Variants in EIF4E observed in about 807,000 individuals in gnomAD.
The protein encoded by EIF4E is eIF-4F 25 kDa subunit.
For missense variants in EIF4E, 113 were observed against 265.6 expected (o/e 0.43, Z 3.99); for synonymous variants, 71 against 88.5 (o/e 0.80, Z 1.11).
chr4:98,907,626 T>G (rs1724928776), intron 1 of EIF4E, among the ~76,000 whole-genome samples: 1 of 152,204 alleles, frequency 6.6e-6, no homozygotes, highest in South Asian at 2.1e-4. Context: ...CCTGATGCAC[T>G]AGGAGCCATA....
At chr4:98,921,358 T>C (rs887493314) in intron 1 of EIF4E, among the ~76,000 whole-genome samples, 5 of 151,704 alleles carry the variant, frequency 3.3e-5, no homozygotes, top group Non-Finnish European at 7.3e-5. Context: ...TGTAGACATA[T>C]ATATCAAAAT....
chr4:98,901,738 G>T, intron 2 of EIF4E, 138 bp downstream of exon 2: 1 of 804,550 alleles, frequency 1.2e-6, no homozygotes, highest in South Asian at 1.4e-5. Context: ...CTGGTCATGG[G>T]TCATCCAAGT....
chr4:98,882,126 C>T (rs1475845613), intron 6 of EIF4E, among the ~76,000 whole-genome samples: 2 of 152,166 alleles, frequency 1.3e-5, no homozygotes, highest in African/African-American at 4.8e-5. Flanking sequence ...GGCGCGGTGG[C>T]TCACGCCTGT....
chr4:98,893,638 G>C (rs1273280707), intron 2 of EIF4E, among the ~76,000 whole-genome samples: 2 of 152,150 alleles, frequency 1.3e-5, no homozygotes, highest in African/African-American at 4.8e-5. Flanking sequence ...AACATCTTCA[G>C]GCTCCATTTC....
At chr4:98,892,702 A>G (rs910442674) in intron 2 of EIF4E, among the ~76,000 whole-genome samples, 17 of 148,024 alleles carry the variant, frequency 1.1e-4, no homozygotes, top group East Asian at 1.0e-3. Flanking sequence ...AAAAAAAAAG[A>G]AGGCGAGAAA....
At chr4:98,898,112 A>G (rs1011521284) in intron 2 of EIF4E, among the ~76,000 whole-genome samples, 3 of 151,540 alleles carry the variant, frequency 2.0e-5, no homozygotes, top group Non-Finnish European at 2.9e-5. Flanking sequence ...TGTCCTACGA[A>G]AAAGGGGGGG....
chr4:98,896,363 C>T (rs7676504), intron 2 of EIF4E, among the ~76,000 whole-genome samples: 19,099 of 150,706 alleles, frequency 0.13, 1,355 homozygotes, highest in East Asian at 0.19. Context: ...TAGAGCAAGA[C>T]CCTGTCAAGG....
At chr4:98,893,105 A>C (rs1203156000) in intron 2 of EIF4E, among the ~76,000 whole-genome samples, 2 of 152,244 alleles carry the variant, frequency 1.3e-5, no homozygotes, top group Non-Finnish European at 1.5e-5. Flanking sequence ...TTACGTTTAC[A>C]CTATACTGTA....
chr4:98,881,356 C>T (rs1043777028), intron 6 of EIF4E, among the ~76,000 whole-genome samples: 2 of 151,878 alleles, frequency 1.3e-5, no homozygotes, highest in Non-Finnish European at 2.9e-5. Context: ...TATTTGAGAG[C>T]GAGTCAGGTA....
intron 1 of EIF4E, among the ~76,000 whole-genome samples, chr4:98,927,052 G>A (rs990888239): frequency 1.3e-5 from 2 of 152,186 alleles, no homozygotes; most frequent in Non-Finnish European, 2.9e-5. Context: ...TAGTGGGGTA[G>A]GAACAGATCT....
At chr4:98,914,356 C>T (rs575851408) in intron 1 of EIF4E, among the ~76,000 whole-genome samples, 1 of 102,844 alleles carries the variant, frequency 9.7e-6, no homozygotes, top group Admixed American at 1.1e-4. Context: ...AGCCAGACTC[C>T]GTCTCAAAAA....
chr4:98,885,113 C>G (rs746565912), intron 5 of EIF4E, 52 bp from the exon 6 acceptor site: 1 of 1,576,220 alleles, frequency 6.3e-7, no homozygotes. Context: ...AAGCTCATTA[C>G]ACTGCAAATG....
At chr4:98,923,111 A>G (rs1038141848) in intron 1 of EIF4E, among the ~76,000 whole-genome samples, 3 of 151,484 alleles carry the variant, frequency 2.0e-5, no homozygotes, top group Non-Finnish European at 4.4e-5. Context: ...TCAGCCTCCC[A>G]AAGTGTCGGG....
At chr4:98,890,994 G>A in intron 3 of EIF4E, 3 of 550,186 alleles carry the variant, frequency 5.5e-6, no homozygotes, top group Non-Finnish European at 9.7e-6. Flanking sequence ...GGCAATAATG[G>A]ATTCTTGAGC....
At chr4:98,890,133 C>G (rs1409201034) in intron 3 of EIF4E, among the ~76,000 whole-genome samples, 1 of 152,034 alleles carries the variant, frequency 6.6e-6, no homozygotes. Context: ...TACAAAATAT[C>G]TATTAGAAGC....
At chr4:98,891,663 G>A in intron 2 of EIF4E, 1 of 268,416 alleles carries the variant, frequency 3.7e-6, no homozygotes, top group South Asian at 5.6e-5. Context: ...CAAAGAGAAG[G>A]GAGTTTAGGG....
chr4:98,894,965 T>G (rs532317836), intron 2 of EIF4E, among the ~76,000 whole-genome samples: 2 of 152,296 alleles, frequency 1.3e-5, no homozygotes, highest in East Asian at 1.9e-4. Flanking sequence ...ATTTCAACAT[T>G]GTTGTGTCTC....
intron 6 of EIF4E, among the ~76,000 whole-genome samples, chr4:98,881,980 G>A (rs115155654): frequency 6.6e-6 from 1 of 152,256 alleles, no homozygotes; most frequent in African/African-American, 2.4e-5. Flanking sequence ...GAGCACATTT[G>A]AAAGCTGAGA....
At chr4:98,882,145 C>T (rs1211490230) in intron 6 of EIF4E, among the ~76,000 whole-genome samples, 1 of 151,920 alleles carries the variant, frequency 6.6e-6, no homozygotes, top group East Asian at 1.9e-4. Context: ...GTAATCCCAG[C>T]ACTTTGGGAG....
Sources: gnomAD v4.1 joint callset for allele counts (sites outside exome capture counted in the v4.1 genomes callset) on GRCh38, gnomAD v4.1.1 for gene constraint, MANE v1.5 for transcripts, NCBI Gene and HGNC (gene_info 2026-07-23, HGNC 2026-07-21) for gene names.